FRMD4A: variants seen among roughly 807,000 people sequenced by gnomAD.
FRMD4A encodes FERM domain-containing protein 4A.
FRMD4A carries 29 observed loss-of-function variants against 129.1 expected under a neutral mutation model. That is an observed-to-expected ratio of 0.22 (90% CI 0.17 to 0.31). The LOEUF (loss-of-function observed/expected upper bound fraction) is 0.31, where lower values mean the gene tolerates loss of function less well. Ranked by LOEUF, FRMD4A falls within the 10% of genes least tolerant of loss-of-function variation. The pLI, the probability that FRMD4A is intolerant of heterozygous loss-of-function variation, is 1.00. For synonymous variants in FRMD4A, 634 were observed against 571.6 expected, an observed-to-expected ratio of 1.11 and a Z score of -1.56; for missense variants, 1,272 against 1,375.8, an observed-to-expected ratio of 0.92 and a Z score of 1.19.
At chr10:13,956,535 T>A (rs757902876) in intron 2 of FRMD4A, among the ~76,000 whole-genome samples, 5 of 152,200 alleles carry the variant, frequency 3.3e-5, no homozygotes, top group Non-Finnish European at 7.3e-5. Flanking sequence ...ACAACAAAGT[T>A]GCTTGCCAAG....
At chr10:14,093,126 T>C (rs1836753177) in intron 2 of FRMD4A, among the ~76,000 whole-genome samples, 1 of 152,180 alleles carries the variant, frequency 6.6e-6, no homozygotes, top group Non-Finnish European at 1.5e-5. Flanking sequence ...GGAATGACTG[T>C]GCCTGCCTTC....
rs78183853 is a variant in FRMD4A at position 14,217,031 on chromosome 10, C to G, written c.45+113027G>C. On this transcript the variant is annotated intron_variant, in intron 2 of 24. Coordinates refer to ENST00000357447, the MANE Select transcript of FRMD4A (RefSeq NM_018027.5). Reference sequence around the variant, plus strand: ...GGAAGTCCTCCTGACAGCCGGTCACCGAACAGGGGGGCATGGCCTCCATGG... The same window carrying G: ...GGAAGTCCTCCTGACAGCCGGTCACGGAACAGGGGGGCATGGCCTCCATGG... Among the ~76,000 whole-genome samples the G allele has an allele frequency of 4.3e-3, 650 of 152,328 alleles. 2 individuals are homozygous for G. The highest frequency in any genetic ancestry group is 7.1e-3 in the Non-Finnish European group (480 of 68,026).
intron 2 of FRMD4A, among the ~76,000 whole-genome samples, chr10:13,973,645 T>C (rs1341524425): frequency 1.3e-5 from 2 of 151,862 alleles, no homozygotes; most frequent in African/African-American, 2.4e-5. Context: ...CTTGCCTTTC[T>C]ACAAAAACCC....
intron 6 of FRMD4A, 85 bp from the exon 7 acceptor site, chr10:13,762,765 G>T: frequency 3.7e-6 from 3 of 818,310 alleles, no homozygotes; most frequent in South Asian, 1.5e-5. Context: ...GCTCTTCTTC[G>T]GGAGGATTAC....
At chr10:13,910,474 C>G (rs1379665183) in intron 2 of FRMD4A, among the ~76,000 whole-genome samples, 2 of 152,184 alleles carry the variant, frequency 1.3e-5, no homozygotes, top group Non-Finnish European at 2.9e-5. Flanking sequence ...CCAACATATG[C>G]AATCATGAGC....
At chr10:13,976,562 G>A (rs2095542825) in intron 2 of FRMD4A, among the ~76,000 whole-genome samples, 2 of 150,542 alleles carry the variant, frequency 1.3e-5, no homozygotes, top group African/African-American at 4.9e-5. Context: ...TTTTTTTTAA[G>A]CAACAAATGC....
intron 15 of FRMD4A, among the ~76,000 whole-genome samples, chr10:13,680,381 T>C (rs2084437558): frequency 6.6e-6 from 1 of 151,824 alleles, no homozygotes; most frequent in African/African-American, 2.4e-5. Flanking sequence ...TGAACACATA[T>C]ATGCTTTTGC....
In FRMD4A at chr10:13,657,471, C is replaced by T. The variant is rs777880674; in HGVS notation, c.2118G>A (p.Arg706=). 1 of 1,610,820 alleles carries T rather than the reference C, an allele frequency of 6.2e-7. No homozygotes were observed. Among genetic ancestry groups the T allele is most frequent in the East Asian group, 2.2e-5 (1 of 44,834 alleles). ...TRLHSLALHF[R]HRSSSLESQG... is the part of the protein sequence containing the mutation. Reference sequence around the variant, plus strand: ...GGGACTCCAGGCTGGAGCTCCGGTGCCTAAAGTGCAGTGCGAGGCTGTGCA... The same window carrying T: ...GGGACTCCAGGCTGGAGCTCCGGTGTCTAAAGTGCAGTGCGAGGCTGTGCA... The change falls in exon 22 of 25, where the codon AGG becomes AGA. Residue 706 remains arginine, a synonymous_variant. Coordinates refer to ENST00000357447, the MANE Select transcript of FRMD4A (RefSeq NM_018027.5).
chr10:14,212,995 G>A (rs536608178), intron 2 of FRMD4A, among the ~76,000 whole-genome samples: 114 of 152,290 alleles, frequency 7.5e-4, no homozygotes, highest in African/African-American at 2.6e-3. Flanking sequence ...CCAGCACTTT[G>A]GGAGGCTGAG....
Position 13,750,057 on chromosome 10 carries a change from G to GAAGAAAGAAAGA in FRMD4A, c.465-2239_465-2238insTCTTTCTTTCTT, listed in dbSNP as rs2091497530. On this transcript the variant is annotated intron_variant, in intron 8 of 24. Transcript: ENST00000357447. The stretch of plus-strand genomic sequence containing the variant: ...AGAGAGGGAAAGGAAAGGAAGGAAG[G>GAAGAAAGAAAGA]AAGGAAGGAAGGAAGAAAGAAAGAA... Among the ~76,000 whole-genome samples, 13 of 54,638 alleles carry GAAGAAAGAAAGA rather than the reference G, an allele frequency of 2.4e-4. No individual in the cohort carries two copies. In the South Asian group the frequency reaches 5.9e-3, roughly 25 times the overall value. 35.8% of individuals were successfully genotyped at this position (54,638 alleles called of 152,430 possible). A position where few individuals can be genotyped will look rare whatever the true frequency, so the allele number is the denominator to read the frequency against.
At chr10:14,087,684 T>C (rs1836371153) in intron 2 of FRMD4A, 3 of 152,172 alleles carry the variant, frequency 2.0e-5, no homozygotes, top group African/African-American at 4.8e-5. Flanking sequence ...GACACATTGA[T>C]GTCAGTTTAC....
chr10:13,875,710 C>G (rs989961112), intron 2 of FRMD4A, among the ~76,000 whole-genome samples: 15 of 152,176 alleles, frequency 9.9e-5, no homozygotes, highest in African/African-American at 3.6e-4. Flanking sequence ...GGGTGAAGGT[C>G]CAGAAACCAG....
intron 2 of FRMD4A, among the ~76,000 whole-genome samples, chr10:13,945,488 T>A (rs977649401): frequency 6.6e-6 from 1 of 151,936 alleles, no homozygotes; most frequent in African/African-American, 2.4e-5. Flanking sequence ...AGTCTCAGGA[T>A]TTTTTTCCTT....
intron 2 of FRMD4A, among the ~76,000 whole-genome samples, chr10:14,245,277 G>A (rs564821573): frequency 3.5e-4 from 54 of 152,190 alleles, no homozygotes; most frequent in Non-Finnish European, 6.6e-4. Context: ...TTAGGTCTCC[G>A]GGTTCGTTGG....
intron 2 of FRMD4A, among the ~76,000 whole-genome samples, chr10:13,996,334 G>A (rs912084637): frequency 2.6e-5 from 4 of 152,174 alleles, no homozygotes; most frequent in East Asian, 1.9e-4. Context: ...GGGTGGACCC[G>A]GCACCTATGC....
intron 2 of FRMD4A, among the ~76,000 whole-genome samples, chr10:14,117,435 G>C (rs1403031976): frequency 6.6e-6 from 1 of 152,230 alleles, no homozygotes. Context: ...GAGCTAGCAG[G>C]AGCCCCATTT....
intron 15 of FRMD4A, among the ~76,000 whole-genome samples, chr10:13,679,961 G>A (rs116057790): frequency 0.01 from 1,518 of 151,690 alleles, 26 homozygotes; most frequent in African/African-American, 0.036. Context: ...GCTTTCCCAC[G>A]TCCTCCACAA....
At chr10:14,232,360 A>G (rs551256823) in intron 2 of FRMD4A, among the ~76,000 whole-genome samples, 8 of 152,266 alleles carry the variant, frequency 5.3e-5, no homozygotes, top group African/African-American at 1.7e-4. Flanking sequence ...AAGTTGGGTA[A>G]TGTGATGCCT....
At chr10:14,099,916 C>T (rs1264967923) in intron 2 of FRMD4A, among the ~76,000 whole-genome samples, 1 of 152,200 alleles carries the variant, frequency 6.6e-6, no homozygotes, top group Admixed American at 6.5e-5. Context: ...TGACCCAAGG[C>T]AACCTGGCTT....
Sources: allele counts gnomAD v4.1 joint callset (sites outside exome capture counted in the v4.1 genomes callset), GRCh38; gene constraint gnomAD v4.1.1; transcripts MANE v1.5; gene names NCBI Gene and HGNC (gene_info 2026-07-23, HGNC 2026-07-21).